The following ARIH1 variants were observed in gnomAD, a reference collection of about 807,000 sequenced individuals.
The protein encoded by ARIH1 is E3 ubiquitin-protein ligase ARIH1.
Under a neutral mutation model 85.0 loss-of-function variants are expected in ARIH1, and 8 were observed. The ratio of observed to expected loss-of-function variants is 0.09; its 90% CI spans 0.06 to 0.17. The LOEUF is 0.17. Among genes scored for constraint, ARIH1 ranks in the 10% least tolerant of loss-of-function variants. The pLI is 1.00. For missense variants in ARIH1, 311 were observed against 718.1 expected, an observed-to-expected ratio of 0.43 and a Z score of 6.48; for synonymous variants, 238 against 253.6, an observed-to-expected ratio of 0.94 and a Z score of 0.59.
chr15:72,542,378 A>G (rs1358814519), intron 2 of ARIH1, among the ~76,000 whole-genome samples: 2 of 152,214 alleles, frequency 1.3e-5, no homozygotes, highest in Non-Finnish European at 2.9e-5. Context: ...TCCTCTTTGC[A>G]TACTGAACTT....
intron 2 of ARIH1, among the ~76,000 whole-genome samples, chr15:72,534,459 T>C (rs1416307526): frequency 6.6e-6 from 1 of 152,150 alleles, no homozygotes; most frequent in Non-Finnish European, 1.5e-5. Context: ...TATTGCAAAA[T>C]AAAAATCATT....
At chr15:72,576,062 TGTGG>T (rs1271232784) in intron 11 of ARIH1, among the ~76,000 whole-genome samples, 1 of 152,108 alleles carries the variant, frequency 6.6e-6, no homozygotes, top group African/African-American at 2.4e-5. Flanking sequence ...TGCTGGATCA[TGTGG>T]TTAGCTAATT....
chr15:72,496,228 C>T (rs142580951), intron 1 of ARIH1, among the ~76,000 whole-genome samples: 6 of 152,132 alleles, frequency 3.9e-5, no homozygotes, highest in Non-Finnish European at 8.8e-5. Context: ...AAATGTCTTA[C>T]TATTATAGTT....
chr15:72,499,312 T>C (rs972074144), intron 1 of ARIH1, among the ~76,000 whole-genome samples: 1 of 151,842 alleles, frequency 6.6e-6, no homozygotes, highest in South Asian at 2.1e-4. Context: ...TTCTCCAGTT[T>C]GTTATTTGTA....
intron 1 of ARIH1, among the ~76,000 whole-genome samples, chr15:72,489,958 A>G (rs1224912633): frequency 6.6e-6 from 1 of 152,162 alleles, no homozygotes; most frequent in Non-Finnish European, 1.5e-5. Context: ...AGCTATTAGA[A>G]GGCTCTCTTT....
chr15:72,528,920 G>T (rs73444761), intron 2 of ARIH1, among the ~76,000 whole-genome samples: 2 of 152,170 alleles, frequency 1.3e-5, no homozygotes, highest in African/African-American at 4.8e-5. Context: ...CAAATGTACG[G>T]CTGGGTGTGG....
intron 2 of ARIH1, among the ~76,000 whole-genome samples, chr15:72,525,158 T>G (rs750920676): frequency 2.0e-5 from 3 of 152,206 alleles, no homozygotes; most frequent in Non-Finnish European, 4.4e-5. Flanking sequence ...CCCAGAGTGC[T>G]GGGATTATAG....
At chr15:72,524,091 C>T (rs1204414167) in intron 2 of ARIH1, among the ~76,000 whole-genome samples, 2 of 151,710 alleles carry the variant, frequency 1.3e-5, no homozygotes, top group Non-Finnish European at 2.9e-5. Flanking sequence ...GGACTACAGG[C>T]GCCTGCCACC....
At chr15:72,521,692 G>A (rs2140412989) in intron 2 of ARIH1, among the ~76,000 whole-genome samples, 1 of 152,114 alleles carries the variant, frequency 6.6e-6, no homozygotes, top group East Asian at 1.9e-4. Context: ...GGGGTTACAG[G>A]CACCCACCAC....
At position 72,561,493 on chromosome 15, in the gene ARIH1, A is replaced by C; in HGVS notation, c.748A>C (p.Thr250Pro). 1.3e-6 allele frequency: 2 copies of C among 1,597,324 alleles called. No homozygotes were observed. Among genetic ancestry groups the C allele is most frequent in the Non-Finnish European group, 1.7e-6 (2 of 1,167,884 alleles). The change falls in exon 6 of 14, where the codon ACA (threonine) becomes CCA (proline). Residue 250 changes from threonine to proline, a missense_variant. Transcript: ENST00000379887. ...VDDNTVMRLI[T>P]DSKVKLKYQH... is the part of the protein sequence containing the mutation. Reference sequence around the variant, plus strand: ...TATTCTTGGTTTCAGGCGCCTGATCACAGATTCAAAAGTTAAATTAAAGTA... The same window carrying C: ...TATTCTTGGTTTCAGGCGCCTGATCCCAGATTCAAAAGTTAAATTAAAGTA...
chr15:72,492,750 A>T (rs1364251935), intron 1 of ARIH1, among the ~76,000 whole-genome samples: 1 of 152,194 alleles, frequency 6.6e-6, no homozygotes. Flanking sequence ...CTTAGGATAT[A>T]TGATAATGTA....
intron 7 of ARIH1, among the ~76,000 whole-genome samples, chr15:72,564,157 CTCT>C (rs1197341156): frequency 1.3e-5 from 2 of 152,292 alleles, no homozygotes; most frequent in African/African-American, 4.8e-5. Context: ...GGTCATTCAT[CTCT>C]TCTTGCATTT....
At chr15:72,527,927 G>A (rs924751755) in intron 2 of ARIH1, among the ~76,000 whole-genome samples, 4 of 152,088 alleles carry the variant, frequency 2.6e-5, no homozygotes, top group African/African-American at 9.7e-5. Context: ...TGTTTACTAA[G>A]TATTTTAATT....
intron 1 of ARIH1, among the ~76,000 whole-genome samples, chr15:72,494,251 A>G (rs117709377): frequency 1.3e-5 from 2 of 152,360 alleles, no homozygotes; most frequent in Non-Finnish European, 2.9e-5. Context: ...CAACTCTTTA[A>G]GAAATAATGT....
rs991320682 is a variant in ARIH1 at position 72,570,411 on chromosome 15, A to G, written c.1157+104A>G. The G allele has an allele frequency of 1.6e-5, 22 of 1,351,238 alleles. No individual in the cohort carries two copies. In the African/African-American group the frequency reaches 2.3e-4, roughly 14 times the overall value. The allele number at this position is 1,351,238 out of a possible 1,614,324, so 83.7% of individuals were successfully genotyped here. ...GATATCACCATCTAACTTGCAAGCTAAATAAATACATAGTGTGTGATTAAT... is the reference window on the plus strand; with the variant it reads ...GATATCACCATCTAACTTGCAAGCTGAATAAATACATAGTGTGTGATTAAT... On this transcript the variant is annotated intron_variant, in intron 10 of 13. Coordinates refer to ENST00000379887, the MANE Select transcript of ARIH1 (RefSeq NM_005744.5).
At chr15:72,507,172 A>G (rs1005942735) in intron 1 of ARIH1, among the ~76,000 whole-genome samples, 1 of 152,110 alleles carries the variant, frequency 6.6e-6, no homozygotes, top group Non-Finnish European at 1.5e-5. Flanking sequence ...ATAGGCGCAC[A>G]CCACCGTGCC....
At chr15:72,486,436 T>C (rs2063837724) in intron 1 of ARIH1, among the ~76,000 whole-genome samples, 1 of 152,072 alleles carries the variant, frequency 6.6e-6, no homozygotes, top group Admixed American at 6.5e-5. Flanking sequence ...AAACATAGCA[T>C]GTATAAGTTC....
intron 11 of ARIH1, among the ~76,000 whole-genome samples, chr15:72,579,280 A>G (rs1164058728): frequency 6.6e-6 from 1 of 152,052 alleles, no homozygotes; most frequent in East Asian, 1.9e-4. Flanking sequence ...GCTGGTTGCA[A>G]CTGCATGGTG....
chr15:72,478,448 G>A (rs2063803000), intron 1 of ARIH1, among the ~76,000 whole-genome samples: 1 of 152,142 alleles, frequency 6.6e-6, no homozygotes, highest in South Asian at 2.1e-4. Flanking sequence ...AACTATATAA[G>A]TAGCTAGGTA....
Sources: gnomAD v4.1 joint callset for allele counts (sites outside exome capture counted in the v4.1 genomes callset) on GRCh38, gnomAD v4.1.1 for gene constraint, MANE v1.5 for transcripts, NCBI Gene and HGNC (gene_info 2026-07-23, HGNC 2026-07-21) for gene names.